The following FBN2 variants were observed in gnomAD, a reference collection of about 807,000 sequenced individuals.
The protein encoded by FBN2 is fibrillin-2.
Under a neutral mutation model 355.6 loss-of-function variants are expected in FBN2, and 105 were observed. The ratio of observed to expected loss-of-function variants is 0.30; its 90% CI spans 0.25 to 0.35. The LOEUF (loss-of-function observed/expected upper bound fraction) is 0.35, where lower values mean the gene tolerates loss of function less well. Among genes scored for constraint, FBN2 ranks in the 10% least tolerant of loss-of-function variants. FBN2 has a pLI of 1.00. For synonymous variants in FBN2, 1,350 were observed against 1,301.2 expected (o/e 1.04, Z -0.81); for missense variants, 3,280 against 3,758.7 (o/e 0.87, Z 3.33).
intron 7 of FBN2, among the ~76,000 whole-genome samples, chr5:128,445,178 T>G (rs184409738): frequency 1.6e-3 from 247 of 152,330 alleles, no homozygotes; most frequent in African/African-American, 5.7e-3. Flanking sequence ...ATAAGACACT[T>G]GGGCATTCTT....
At chr5:128,459,271 T>C (rs1241382569) in intron 6 of FBN2, among the ~76,000 whole-genome samples, 2 of 152,054 alleles carry the variant, frequency 1.3e-5, no homozygotes, top group East Asian at 1.9e-4. Context: ...AACCCCTAAA[T>C]AGACCACTAA....
chr5:128,489,581 AT>A (rs1437064657), intron 5 of FBN2, among the ~76,000 whole-genome samples: 2 of 152,156 alleles, frequency 1.3e-5, no homozygotes, highest in African/African-American at 4.8e-5. Flanking sequence ...TGATAAAATG[AT>A]TTTTTAAATG....
At chr5:128,514,989 A>C (rs1756241294) in intron 5 of FBN2, among the ~76,000 whole-genome samples, 1 of 152,184 alleles carries the variant, frequency 6.6e-6, no homozygotes, top group Non-Finnish European at 1.5e-5. Context: ...TGGTCATACT[A>C]CTAATTTGCT....
rs1295335940 is a variant in FBN2 at position 128,291,616 on chromosome 5, A to G, written c.6205T>C (p.Phe2069Leu). ...CCTGGAGTATTAGTACAGGAACCAAAAAGACAAATGTTGGGATCTTCATCA... is the reference window on the plus strand; with the variant it reads ...CCTGGAGTATTAGTACAGGAACCAAGAAGACAAATGTTGGGATCTTCATCA... ...ECDEDPNICLFGSCTNTPGGF... is the reference protein window; with the variant it reads ...ECDEDPNICLLGSCTNTPGGF... The change falls in exon 49 of 65, where the codon TTT (phenylalanine) becomes CTT (leucine). Residue 2069 changes from phenylalanine to leucine, a missense_variant. By Grantham distance (22) the Phe-to-Leu change is conservative (BLOSUM62 0). Transcript: ENST00000262464. 19 of 1,613,644 alleles carry G rather than the reference A, an allele frequency of 1.2e-5. No individual in the cohort carries two copies. Among genetic ancestry groups the G allele is most frequent in the Non-Finnish European group, 1.4e-5 (17 of 1,179,714 alleles).
chr5:128,495,042 A>C (rs1019237949), intron 5 of FBN2, among the ~76,000 whole-genome samples: 2 of 152,192 alleles, frequency 1.3e-5, no homozygotes, highest in Non-Finnish European at 2.9e-5. Flanking sequence ...CATGCTGAAA[A>C]AACAAGGTTT....
intron 19 of FBN2, among the ~76,000 whole-genome samples, chr5:128,357,626 A>G (rs1462900379): frequency 6.6e-6 from 1 of 152,244 alleles, no homozygotes; most frequent in African/African-American, 2.4e-5. Flanking sequence ...CTATTGGGAA[A>G]GAGTTCAGTT....
At chr5:128,488,402 G>A (rs1755400754) in intron 5 of FBN2, among the ~76,000 whole-genome samples, 1 of 152,064 alleles carries the variant, frequency 6.6e-6, no homozygotes, top group Non-Finnish European at 1.5e-5. Context: ...CATGACTGGA[G>A]GTCTCAGCTT....
chr5:128,363,401 G>T (rs1751689624), intron 18 of FBN2, among the ~76,000 whole-genome samples: 1 of 152,006 alleles, frequency 6.6e-6, no homozygotes, highest in Non-Finnish European at 1.5e-5. Flanking sequence ...TGTTGGCCAG[G>T]CTGGTCTCAA....
chr5:128,267,831 C>A (rs1250003568), intron 62 of FBN2, among the ~76,000 whole-genome samples: 1 of 152,042 alleles, frequency 6.6e-6, no homozygotes, highest in Non-Finnish European at 1.5e-5. Context: ...TCTTTGAAAC[C>A]AATGAGAACA....
chr5:128,527,303 G>A (rs183772179), intron 4 of FBN2, among the ~76,000 whole-genome samples: 10 of 152,246 alleles, frequency 6.6e-5, no homozygotes, highest in African/African-American at 2.4e-4. Flanking sequence ...GTATTCTCCA[G>A]TGAAGGTACC....
At chr5:128,483,370 T>C (rs1389690163) in intron 5 of FBN2, among the ~76,000 whole-genome samples, 1 of 152,150 alleles carries the variant, frequency 6.6e-6, no homozygotes, top group Admixed American at 6.5e-5. Flanking sequence ...AGGAATTAGA[T>C]GGGCCACACT....
chr5:128,305,743 A>T (rs1749852515), intron 43 of FBN2, 80 bp downstream of exon 43: 1 of 1,598,270 alleles, frequency 6.3e-7, no homozygotes, highest in Admixed American at 1.7e-5. Flanking sequence ...TAGAAGAAAT[A>T]GTAAAAATCA....
intron 10 of FBN2, 135 bp from the exon 11 acceptor site, chr5:128,392,290 C>T: frequency 1.3e-6 from 1 of 762,048 alleles, no homozygotes; most frequent in Admixed American, 2.7e-5. Flanking sequence ...TTTATTAAAA[C>T]TTTAATGTGG....
chr5:128,363,958 TA>T (rs1294748149), intron 18 of FBN2, among the ~76,000 whole-genome samples: 1 of 152,218 alleles, frequency 6.6e-6, no homozygotes. Context: ...GTAAAAGCCA[TA>T]AGTGATTAGT....
intron 34 of FBN2, among the ~76,000 whole-genome samples, chr5:128,323,251 C>T (rs1005205357): frequency 6.6e-6 from 1 of 152,150 alleles, no homozygotes; most frequent in Non-Finnish European, 1.5e-5. Flanking sequence ...CCCTTTATTT[C>T]TTTCTCTTGC....
chr5:128,295,252 T>C (rs1461617245), intron 48 of FBN2, among the ~76,000 whole-genome samples: 2 of 151,702 alleles, frequency 1.3e-5, no homozygotes, highest in African/African-American at 4.8e-5. Flanking sequence ...TGTAGTATAG[T>C]TTGAAGTCAG....
intron 5 of FBN2, among the ~76,000 whole-genome samples, chr5:128,490,159 A>G (rs1755462399): frequency 6.6e-6 from 1 of 152,208 alleles, no homozygotes; most frequent in Non-Finnish European, 1.5e-5. Flanking sequence ...TATTCTTATA[A>G]TCAGAAAAAA....
chr5:128,361,955 G>T lies in FBN2; in HGVS notation c.2429-107C>A, dbSNP rs1033200209. ...TGTTTTATTTCCCTCTTTCTTCTCTGTGACATAGTCTCTGTATCACAGCGC... is the reference window on the plus strand; with the variant it reads ...TGTTTTATTTCCCTCTTTCTTCTCTTTGACATAGTCTCTGTATCACAGCGC... On this transcript the variant is annotated intron_variant, in intron 18 of 64. Coordinates refer to ENST00000262464, the MANE Select transcript of FBN2 (RefSeq NM_001999.4). The T allele has an allele frequency of 5.3e-6, 6 of 1,128,142 alleles. No individual in the cohort carries two copies. The Admixed American group carries it at 1.0e-4, about 19-fold the overall frequency. The allele number at this position is 1,128,142 out of a possible 1,614,324, so 69.9% of individuals were successfully genotyped here.
intron 16 of FBN2, 80 bp downstream of exon 16, chr5:128,369,102 G>A (rs914525428): frequency 9.6e-6 from 13 of 1,356,172 alleles, no homozygotes; most frequent in Non-Finnish European, 1.3e-5. Flanking sequence ...ACACTTAAGA[G>A]CTGATGTTCT....
Sources: gnomAD v4.1 joint callset for allele counts (sites outside exome capture counted in the v4.1 genomes callset) on GRCh38, gnomAD v4.1.1 for gene constraint, MANE v1.5 for transcripts, NCBI Gene and HGNC (gene_info 2026-07-23, HGNC 2026-07-21) for gene names.